ERICH1: variants seen among roughly 807,000 people sequenced by gnomAD.
ERICH1 encodes glutamate-rich protein 1.
Under a neutral mutation model 39.6 loss-of-function variants are expected in ERICH1, and 56 were observed. The observed-to-expected ratio is 1.41, with a 90% CI of 1.14 to 1.77. The LOEUF is 1.77. Among genes scored for constraint, ERICH1 ranks in the 40% most tolerant of loss-of-function variants. ERICH1 has a pLI of 0.00. For synonymous variants in ERICH1, 313 were observed against 223.6 expected, an observed-to-expected ratio of 1.40 and a Z score of -3.57; for missense variants, 826 against 575.4, an observed-to-expected ratio of 1.44 and a Z score of -4.45.
At chr8:664,699 CA>C in intron 5 of ERICH1, 23 bp from the exon 6 acceptor site, 1 of 1,566,744 alleles carries the variant, frequency 6.4e-7, no homozygotes. Context: ...AAACACAAAA[CA>C]AAAAATAAAA....
rs1563156874 is a variant in ERICH1 at position 616,936 on chromosome 8, GAGAGAGGGAGAGGGAGACAGAGACACAC to G, written c.977-1680_977-1653del. Among the ~76,000 whole-genome samples the G allele has an allele frequency of 0.016, 840 of 53,968 alleles. 250 individuals are homozygous for G. The East Asian group carries it at 0.4, about 26-fold the overall frequency. 35.4% of individuals were successfully genotyped at this position (53,968 alleles called of 152,430 possible). A position where few individuals can be genotyped will look rare whatever the true frequency, so the allele number is the denominator to read the frequency against. ...AGAGAGAGACAGAAAGAGACAGAGA[GAGAGAGGGAGAGGGAGACAGAGACACAC>G]AGAGAGAGAGAGAGAGAGACATTGG... On this transcript the variant is annotated intron_variant, in intron 3 of 3. Coordinates refer to the ERICH1 transcript ENST00000522706.
chr8:627,563 G>A (rs530448965), intron 3 of ERICH1, among the ~76,000 whole-genome samples: 2 of 152,324 alleles, frequency 1.3e-5, no homozygotes, highest in South Asian at 4.1e-4. Context: ...AGAACCATGT[G>A]GCCAGGGGGT....
At chr8:691,853 AAT>A (rs1808975294) in intron 3 of ERICH1, among the ~76,000 whole-genome samples, 1 of 152,188 alleles carries the variant, frequency 6.6e-6, no homozygotes, top group Non-Finnish European at 1.5e-5. Flanking sequence ...GAAAACTCTA[AAT>A]TCCTCTTGTG....
intron 3 of ERICH1, among the ~76,000 whole-genome samples, chr8:618,528 G>T (rs1368758718): frequency 6.6e-6 from 1 of 152,204 alleles, no homozygotes; most frequent in South Asian, 2.1e-4. Context: ...GTGGGTACAT[G>T]CTAACTGAGT....
chr8:634,259 G>C (rs971178216), intron 3 of ERICH1, among the ~76,000 whole-genome samples: 2 of 151,400 alleles, frequency 1.3e-5, no homozygotes, highest in Non-Finnish European at 2.9e-5. Flanking sequence ...AGACACACAA[G>C]TAGCTGATAA....
intron 5 of ERICH1, among the ~76,000 whole-genome samples, chr8:665,193 CCT>C (rs1176790109): frequency 2.1e-5 from 3 of 146,172 alleles, no homozygotes; most frequent in African/African-American, 7.8e-5. Flanking sequence ...CACAATCGCC[CCT>C]GATGTCACCA....
chr8:698,736 C>CTT (rs1446752795), intron 2 of ERICH1, among the ~76,000 whole-genome samples: 2 of 152,124 alleles, frequency 1.3e-5, no homozygotes, highest in Non-Finnish European at 2.9e-5. Flanking sequence ...CCTTGGCCTC[C>CTT]TAAAGTGCTA....
intron 2 of ERICH1, among the ~76,000 whole-genome samples, chr8:700,354 C>CGCGCACAGGCCCGCACAG (rs1811730264): frequency 1.3e-4 from 9 of 68,698 alleles, no homozygotes; most frequent in African/African-American, 3.5e-4. Context: ...GATCCGCACA[C>CGCGCACAGGCCCGCACAG]GCGCACAGGC....
In ERICH1 at chr8:731,200, T is replaced by C. The variant is rs12549850; in HGVS notation, c.-39A>G. On this transcript the variant is annotated 5_prime_UTR_variant, in exon 1 of 6. Coordinates refer to ENST00000262109, the MANE Select transcript of ERICH1 (RefSeq NM_207332.3). ...GCGGACCTCAGACCACGGCGCGCGG[T>C]CCTGAGCTGAGCGCCGTGCCTTCCG... The C allele has an allele frequency of 3.4e-6, 5 of 1,463,834 alleles. No individual in the cohort carries two copies. The Admixed American group carries it at 7.6e-5, about 22-fold the overall frequency. 90.7% of individuals were successfully genotyped at this position (1,463,834 alleles called of 1,614,324 possible). A position where few individuals can be genotyped will look rare whatever the true frequency, so the allele number is the denominator to read the frequency against.
intron 1 of ERICH1, among the ~76,000 whole-genome samples, chr8:718,005 C>T (rs889660937): frequency 2.6e-5 from 4 of 152,226 alleles, no homozygotes; most frequent in South Asian, 2.1e-4. Flanking sequence ...TGGCAGAACA[C>T]GCCAGGGTAA....
chr8:710,481 C>T (rs546528339), intron 2 of ERICH1, among the ~76,000 whole-genome samples: 1 of 150,298 alleles, frequency 6.7e-6, no homozygotes, highest in South Asian at 2.1e-4. Flanking sequence ...CTGCTCCTTC[C>T]AGTCCTCGGC....
intron 1 of ERICH1, among the ~76,000 whole-genome samples, chr8:717,732 G>A (rs950418943): frequency 2.0e-5 from 3 of 152,250 alleles, no homozygotes; most frequent in Admixed American, 2.0e-4. Context: ...AGCCAACGCG[G>A]ACATGTGGCT....
chr8:704,909 T>A (rs924309789), intron 2 of ERICH1, among the ~76,000 whole-genome samples: 9 of 152,242 alleles, frequency 5.9e-5, no homozygotes, highest in Non-Finnish European at 1.3e-4. Context: ...TAATAATAAT[T>A]CCTGAGAATT....
chr8:673,643 C>T lies in ERICH1; in HGVS notation c.709G>A (p.Ala237Thr), dbSNP rs767087258. ...GCCCGTGTCAGGTCTTCCTCGCTAG[C>T]GTCCGCACCATCTTCCTCCCTGGTA... ...KDTREEDGAD[A>T]SEEDLTRARQ... Residue 237 changes from alanine to threonine, a missense_variant, in exon 4 of 6, where the codon GCT becomes ACT. Transcript: ENST00000262109. 1.2e-5 allele frequency: 20 copies of T among 1,610,396 alleles called. No individual in the cohort carries two copies. The highest frequency in any genetic ancestry group is 1.4e-5 in the Non-Finnish European group (17 of 1,177,758).
chr8:660,068 TGAGGCAAC>T (rs1801189082), downstream of ERICH1, among the ~76,000 whole-genome samples: 1 of 152,188 alleles, frequency 6.6e-6, no homozygotes, highest in African/African-American at 2.4e-5. Flanking sequence ...AGGCCTGTGC[TGAGGCAAC>T]GAGGTGGGGC....
downstream of ERICH1, among the ~76,000 whole-genome samples, chr8:663,515 C>CACAGGCAGG (rs1801739484): frequency 6.7e-6 from 1 of 149,686 alleles, no homozygotes; most frequent in African/African-American, 2.5e-5. Flanking sequence ...CACGGATGCT[C>CACAGGCAGG]ACAGGCGGGA....
intron 3 of ERICH1, among the ~76,000 whole-genome samples, chr8:686,249 AAATC>A (rs1173953160): frequency 2.0e-4 from 30 of 152,196 alleles, no homozygotes; most frequent in Non-Finnish European, 4.1e-4. Context: ...AAATATTCAT[AAATC>A]ACTCTATTTT....
intron 2 of ERICH1, among the ~76,000 whole-genome samples, chr8:705,754 C>T (rs1172178070): frequency 2.0e-5 from 3 of 152,212 alleles, no homozygotes; most frequent in Admixed American, 1.3e-4. Flanking sequence ...ACTATCTTTA[C>T]TCACAAAGGA....
intron 4 of ERICH1, 77 bp downstream of exon 4, chr8:673,212 T>A: frequency 6.9e-7 from 1 of 1,455,796 alleles, no homozygotes; most frequent in Middle Eastern, 1.8e-4. Context: ...TTTTAACATT[T>A]AAGCATTATA....
Sources: gnomAD v4.1 joint callset for allele counts (sites outside exome capture counted in the v4.1 genomes callset) on GRCh38, gnomAD v4.1.1 for gene constraint, MANE v1.5 for transcripts, NCBI Gene and HGNC (gene_info 2026-07-23, HGNC 2026-07-21) for gene names.